The following PLEKHG1 variants were observed in gnomAD, a reference collection of about 807,000 sequenced individuals.
The protein encoded by PLEKHG1 is pleckstrin homology domain-containing family G member 1.
Under a neutral mutation model 100.8 loss-of-function variants are expected in PLEKHG1, and 44 were observed. That is an observed-to-expected ratio of 0.44 (90% CI 0.34 to 0.56). The LOEUF is 0.56. Among genes scored for constraint, PLEKHG1 ranks in the 20% least tolerant of loss-of-function variants. PLEKHG1 has a pLI of 0.01. For missense variants in PLEKHG1, 1,545 were observed against 1,720.9 expected (o/e 0.90, Z 1.81); for synonymous variants, 640 against 662.5 (o/e 0.97, Z 0.52).
intron 2 of PLEKHG1, among the ~76,000 whole-genome samples, chr6:150,741,106 G>A (rs1782833522): frequency 6.6e-6 from 1 of 152,206 alleles, no homozygotes; most frequent in Non-Finnish European, 1.5e-5. Flanking sequence ...AAGGAGGGCA[G>A]GGAGAACTGA....
chr6:150,749,623 C>T (rs1423881921), intron 2 of PLEKHG1, among the ~76,000 whole-genome samples: 1 of 152,064 alleles, frequency 6.6e-6, no homozygotes, highest in African/African-American at 2.4e-5. Context: ...AGTCTGGGAC[C>T]TGGTTTTGCC....
At chr6:150,778,294 A>C (rs902254831) in intron 3 of PLEKHG1, among the ~76,000 whole-genome samples, 13 of 152,086 alleles carry the variant, frequency 8.5e-5, no homozygotes, top group Non-Finnish European at 1.8e-4. Context: ...CGCCTGGCTA[A>C]TTTTTGTATT....
chr6:150,673,320 A>G (rs1049975850), intron 3 of PLEKHG1, among the ~76,000 whole-genome samples: 5 of 152,216 alleles, frequency 3.3e-5, no homozygotes, highest in African/African-American at 1.2e-4. Context: ...ACTTTCAAAT[A>G]TTCTGTGTAA....
At position 150,683,074 on chromosome 6, in the gene PLEKHG1, C is replaced by T. The variant is rs1779990632; in HGVS notation, c.-99+32288C>T. ...ACAACTACATCATCACAGCTTGACACACGTTTCTTCAATTGGCATGTGTTC... is the reference window on the plus strand; with the variant it reads ...ACAACTACATCATCACAGCTTGACATACGTTTCTTCAATTGGCATGTGTTC... On this transcript the variant is annotated intron_variant, in intron 3 of 3. Coordinates refer to the PLEKHG1 transcript ENST00000367326. The surrounding 1 kb of genome is among the most constrained non-coding windows in gnomAD (Gnocchi z 4.0). 6.6e-6 allele frequency among the ~76,000 whole-genome samples: 1 copy of T among 152,222 alleles called. No individual in the cohort carries two copies. The highest frequency in any genetic ancestry group is 6.5e-5 in the Admixed American group (1 of 15,290).
chr6:150,812,643 A>G (rs1413775474), intron 10 of PLEKHG1, among the ~76,000 whole-genome samples: 4 of 152,198 alleles, frequency 2.6e-5, no homozygotes, highest in African/African-American at 9.6e-5. Context: ...GGAAGAAAAA[A>G]TGATAGTTTG....
chr6:150,692,045 G>T (rs1211407497), intron 3 of PLEKHG1, among the ~76,000 whole-genome samples: 5 of 152,320 alleles, frequency 3.3e-5, no homozygotes, highest in Non-Finnish European at 7.3e-5. Flanking sequence ...GAGGAAGCCT[G>T]GTTAGGCATC....
In PLEKHG1 at chr6:150,804,253, C is replaced by T. The variant is rs1485072917; in HGVS notation, c.781-357C>T. On this transcript the variant is annotated intron_variant, in intron 6 of 15. Transcript: ENST00000358517. ...CCAGGCTGGAGTGCAGTGGCCTGATCTCAGCTCATTGCAACCTCTGTCCCC... is the reference window on the plus strand; with the variant it reads ...CCAGGCTGGAGTGCAGTGGCCTGATTTCAGCTCATTGCAACCTCTGTCCCC... Among the ~76,000 whole-genome samples, 5 of 128,450 alleles carry T rather than the reference C, an allele frequency of 3.9e-5. No homozygotes were observed. The Admixed American group carries it at 4.7e-4, about 12-fold the overall frequency. 84.3% of individuals were successfully genotyped at this position (128,450 alleles called of 152,430 possible).
intron 2 of PLEKHG1, among the ~76,000 whole-genome samples, chr6:150,649,900 T>C (rs890716653): frequency 1.3e-5 from 2 of 152,054 alleles, no homozygotes; most frequent in East Asian, 3.8e-4. Flanking sequence ...TAGTCCCAGC[T>C]GCTGGGGAGG....
intron 14 of PLEKHG1, among the ~76,000 whole-genome samples, chr6:150,829,037 C>A (rs1776769811): frequency 6.6e-6 from 1 of 152,160 alleles, no homozygotes; most frequent in Admixed American, 6.5e-5. Flanking sequence ...TGTCTCTCTA[C>A]TCCTCTCTTC....
intron 1 of PLEKHG1, among the ~76,000 whole-genome samples, chr6:150,631,247 A>G (rs968720271): frequency 3.9e-5 from 6 of 152,112 alleles, no homozygotes; most frequent in Non-Finnish European, 8.8e-5. Context: ...CAATTTTTCA[A>G]TTCCTGTCTC....
rs189243269 is a variant in PLEKHG1, at chr6:150,819,975, C to T, written c.1408+201C>T. On this transcript the variant is annotated intron_variant, in intron 12 of 15. Transcript: ENST00000358517. ...CTGTAATCCTAGCACTTTGGGAGGCCGAGGCAGGTGGGTCACCTGAGGTCA... is the reference window on the plus strand; with the variant it reads ...CTGTAATCCTAGCACTTTGGGAGGCTGAGGCAGGTGGGTCACCTGAGGTCA... Among the ~76,000 whole-genome samples the T allele has an allele frequency of 2.6e-3, 399 of 152,062 alleles. 4 individuals are homozygous for T. Among genetic ancestry groups the T allele is most frequent in the African/African-American group, 9.0e-3 (372 of 41,456 alleles).
intron 12 of PLEKHG1, 100 bp downstream of exon 13, chr6:150,819,874 G>C (rs1776199309): frequency 7.9e-6 from 6 of 761,972 alleles, no homozygotes; most frequent in South Asian, 7.1e-5. Flanking sequence ...TGGTTTCTCA[G>C]CTCACTGCCG....
At chr6:150,784,327 AT>A (rs1785485857) in intron 3 of PLEKHG1, among the ~76,000 whole-genome samples, 1 of 152,238 alleles carries the variant, frequency 6.6e-6, no homozygotes, top group African/African-American at 2.4e-5. Context: ...TGGAATCTCA[AT>A]AGCAGCATTG....
chr6:150,711,950 T>C (rs6557086), intron 3 of PLEKHG1, among the ~76,000 whole-genome samples: 71,457 of 151,998 alleles, frequency 0.47, 17,085 homozygotes, highest in Admixed American at 0.54. Context: ...GTATTCTGAC[T>C]GCATATGAAG....
At chr6:150,608,114 C>A (rs1392729157) in intron 1 of PLEKHG1, among the ~76,000 whole-genome samples, 2 of 152,174 alleles carry the variant, frequency 1.3e-5, no homozygotes, top group African/African-American at 4.8e-5. Context: ...ACATGGAACC[C>A]TCATGGTCCA....
In PLEKHG1 at chr6:150,773,922, T is replaced by C. The variant is rs185903608; in HGVS notation, c.512+5184T>C. On this transcript the variant is annotated intron_variant, in intron 3 of 15. Coordinates refer to ENST00000358517, the Ensembl canonical transcript of PLEKHG1. ...TAACTTTTATGTTTTTTTAAATACA[T>C]GTAACTTTTAAAACTTTATTCCTAG... Among the ~76,000 whole-genome samples the C allele has an allele frequency of 1.3e-4, 20 of 152,354 alleles. No homozygotes were observed. In the East Asian group the frequency reaches 3.3e-3, roughly 25 times the overall value.
At chr6:150,630,310 A>G (rs1297414817) in intron 1 of PLEKHG1, among the ~76,000 whole-genome samples, 2 of 152,244 alleles carry the variant, frequency 1.3e-5, no homozygotes, top group Admixed American at 1.3e-4. Context: ...AGGCATGCAT[A>G]TAGGCAAGGA....
At chr6:150,747,875 G>T (rs1292174468) in intron 2 of PLEKHG1, among the ~76,000 whole-genome samples, 1 of 149,824 alleles carries the variant, frequency 6.7e-6, no homozygotes, top group Admixed American at 6.7e-5. Flanking sequence ...CAGCCTAGGC[G>T]ACAAGAGCGA....
At chr6:150,745,459 G>C (rs1783108676) in intron 2 of PLEKHG1, among the ~76,000 whole-genome samples, 2 of 152,154 alleles carry the variant, frequency 1.3e-5, no homozygotes, top group South Asian at 4.1e-4. Flanking sequence ...GAGGCAGGTG[G>C]TTCACTTCAG....
Sources: gnomAD v4.1 joint callset for allele counts (sites outside exome capture counted in the v4.1 genomes callset) on GRCh38, gnomAD v4.1.1 for gene constraint, Gnocchi (gnomAD v3.1) non-coding constraint, MANE v1.5 for transcripts, NCBI Gene and HGNC (gene_info 2026-07-23, HGNC 2026-07-21) for gene names.